MALRD1: variants seen among roughly 807,000 people sequenced by gnomAD.
MALRD1 encodes the protein MAM and LDL receptor class A domain containing 1, also known as MAM and LDL-receptor class A domain-containing protein 1.
In MALRD1, 247 loss-of-function variants were observed where a neutral mutation model predicts 242.1. That is an observed-to-expected ratio of 1.02 (90% CI 0.92 to 1.13). The LOEUF (loss-of-function observed/expected upper bound fraction) is 1.13. Among genes scored for constraint, MALRD1 ranks in the 50% most tolerant of loss-of-function variants. The pLI, the probability that MALRD1 is intolerant of heterozygous loss-of-function variation, is 0.00. For missense variants in MALRD1, 2,989 were observed against 2,533.1 expected, an observed-to-expected ratio of 1.18 and a Z score of -3.86; for synonymous variants, 995 against 866.6, an observed-to-expected ratio of 1.15 and a Z score of -2.60.
chr10:19,562,156 C>A (rs575955886), intron 32 of MALRD1, among the ~76,000 whole-genome samples: 1 of 152,006 alleles, frequency 6.6e-6, no homozygotes, highest in Non-Finnish European at 1.5e-5. Context: ...ATTAGCCAGG[C>A]GTGGTGGCGG....
intron 21 of MALRD1, among the ~76,000 whole-genome samples, chr10:19,300,626 A>G (rs2496075): frequency 0.33 from 50,308 of 151,816 alleles, 8,582 homozygotes; most frequent in South Asian, 0.46. Flanking sequence ...CCCCTAGTCA[A>G]TAAACAATGC....
chr10:19,238,966 A>G (rs1838631326), intron 18 of MALRD1, among the ~76,000 whole-genome samples: 1 of 151,110 alleles, frequency 6.6e-6, no homozygotes, highest in Non-Finnish European at 1.5e-5. Context: ...CATTTCCCTG[A>G]TGGTTAGTGA....
chr10:19,333,735 A>C (rs547820348), intron 24 of MALRD1, among the ~76,000 whole-genome samples: 32 of 151,858 alleles, frequency 2.1e-4, no homozygotes, highest in African/African-American at 7.7e-4. Flanking sequence ...TCCTTTCCAC[A>C]GTGGCTGAAC....
intron 1 of MALRD1, among the ~76,000 whole-genome samples, chr10:19,064,769 CAAAAAA>C (rs147678284): frequency 9.5e-5 from 6 of 63,186 alleles, no homozygotes; most frequent in African/African-American, 3.0e-4. Flanking sequence ...AACTCTGTCT[CAAAAAA>C]AAAAAAAAAA....
chr10:19,125,267 CTCTTTCTT>C (rs200758216), intron 7 of MALRD1, among the ~76,000 whole-genome samples: 6 of 135,058 alleles, frequency 4.4e-5, no homozygotes, highest in African/African-American at 1.7e-4. Flanking sequence ...CTCTTTCTTT[CTCTTTCTT>C]TCTTTCTTTC....
At chr10:19,585,440 A>G (rs370024424) in intron 33 of MALRD1, among the ~76,000 whole-genome samples, 31 of 151,406 alleles carry the variant, frequency 2.0e-4, no homozygotes, top group African/African-American at 6.5e-4. Flanking sequence ...AAATCTCTCA[A>G]CATTTGCTTG....
chr10:19,399,920 T>G (rs1001239534), intron 28 of MALRD1, among the ~76,000 whole-genome samples: 5 of 152,102 alleles, frequency 3.3e-5, no homozygotes, highest in African/African-American at 1.2e-4. Flanking sequence ...GTGAAAGATA[T>G]AAACAAAAAA....
intron 10 of MALRD1, among the ~76,000 whole-genome samples, chr10:19,140,909 T>A (rs928139594): frequency 6.6e-6 from 1 of 152,154 alleles, no homozygotes; most frequent in Admixed American, 6.5e-5. Flanking sequence ...ATTGTATACT[T>A]GAAATTTGCT....
chr10:19,604,885 G>T (rs1276618961), intron 34 of MALRD1, among the ~76,000 whole-genome samples: 1 of 152,010 alleles, frequency 6.6e-6, no homozygotes, highest in African/African-American at 2.4e-5. Flanking sequence ...GCTTTATTAT[G>T]GTTATCTGGA....
chr10:19,671,574 C>T (rs1031733129), intron 36 of MALRD1, among the ~76,000 whole-genome samples: 7 of 151,722 alleles, frequency 4.6e-5, no homozygotes, highest in African/African-American at 1.7e-4. Flanking sequence ...GCTGAGATGG[C>T]ACCACTGCAC....
chr10:19,427,388 C>T (rs1303271077), intron 28 of MALRD1, among the ~76,000 whole-genome samples: 1 of 152,118 alleles, frequency 6.6e-6, no homozygotes. Context: ...ATTTTTAATT[C>T]TCACCCTGGT....
At chr10:19,395,508 C>A (rs1846535529) in intron 28 of MALRD1, among the ~76,000 whole-genome samples, 1 of 152,088 alleles carries the variant, frequency 6.6e-6, no homozygotes, top group African/African-American at 2.4e-5. Flanking sequence ...CCAAGGGAGG[C>A]AATCAGTTAT....
chr10:19,435,554 T>G (rs1218218630), intron 28 of MALRD1, among the ~76,000 whole-genome samples: 1 of 152,174 alleles, frequency 6.6e-6, no homozygotes, highest in Non-Finnish European at 1.5e-5. Flanking sequence ...TAATTGGTAT[T>G]TAATCTGATG....
chr10:19,341,482 GTGTATATATATGTATATATGTATATATA>G (rs1413863850), intron 24 of MALRD1, among the ~76,000 whole-genome samples: 1 of 86,800 alleles, frequency 1.2e-5, no homozygotes, highest in Non-Finnish European at 2.6e-5. Flanking sequence ...GTATATATAT[GTGTATATATATGTATATATGTATATATA>G]TGTGTGTATA....
intron 36 of MALRD1, among the ~76,000 whole-genome samples, chr10:19,643,528 A>T (rs534116131): frequency 1.4e-4 from 22 of 152,316 alleles, no homozygotes; most frequent in East Asian, 5.8e-4. Flanking sequence ...TTAATTGACT[A>T]AAATGCCCAA....
chr10:19,252,866 T>C (rs1359801123), intron 18 of MALRD1, among the ~76,000 whole-genome samples: 1 of 151,990 alleles, frequency 6.6e-6, no homozygotes, highest in African/African-American at 2.4e-5. Context: ...TTCATAGAGA[T>C]TGGTTTCAGG....
At chr10:19,201,033 G>A (rs1489168860) in intron 14 of MALRD1, among the ~76,000 whole-genome samples, 2 of 152,008 alleles carry the variant, frequency 1.3e-5, no homozygotes, top group Admixed American at 1.3e-4. Context: ...GCAAAAATGA[G>A]GATTCCGTTG....
intron 10 of MALRD1, among the ~76,000 whole-genome samples, chr10:19,141,201 TAC>T (rs1164365102): frequency 6.6e-6 from 1 of 152,186 alleles, no homozygotes; most frequent in Non-Finnish European, 1.5e-5. Flanking sequence ...GAACAGTTTA[TAC>T]ATGAAATAGA....
chr10:19,238,353 A>G lies in MALRD1; in HGVS notation c.2992-19331A>G, dbSNP rs185176141. On this transcript the variant is annotated intron_variant, in intron 18 of 39. Coordinates refer to ENST00000454679, the MANE Select transcript of MALRD1 (RefSeq NM_001142308.3). ...TTATACATAATATATTATACATAAT[A>G]TATAATACATAATATATATTATACA... 1.9e-3 allele frequency among the ~76,000 whole-genome samples: 167 copies of G among 85,882 alleles called. 2 individuals carry two copies. Among genetic ancestry groups the G allele is most frequent in the African/African-American group, 6.6e-3 (140 of 21,364 alleles). The allele number at this position is 85,882 out of a possible 152,430, so 56.3% of individuals were successfully genotyped here. A position where few individuals can be genotyped will look rare whatever the true frequency, so the allele number is the denominator to read the frequency against.
Sources: gnomAD v4.1 joint callset for allele counts (sites outside exome capture counted in the v4.1 genomes callset) on GRCh38, gnomAD v4.1.1 for gene constraint, MANE v1.5 for transcripts, NCBI Gene and HGNC (gene_info 2026-07-23, HGNC 2026-07-21) for gene names.